AFG2A: variants seen among roughly 807,000 people sequenced by gnomAD.
AFG2A encodes the protein AAA ATPase AFG2A, also known as ATPase family gene 2 protein homolog A.
the AFG2A span, among the ~76,000 whole-genome samples, chr4:123,051,726 C>G: frequency 7.9e-6 from 1 of 125,926 alleles, no homozygotes; most frequent in Admixed American, 9.2e-5. Context: ...CACTATTCTT[C>G]GTTAAGTTTT....
the AFG2A span, among the ~76,000 whole-genome samples, chr4:123,018,231 A>C: frequency 5.3e-5 from 8 of 152,258 alleles, no homozygotes; most frequent in East Asian, 1.5e-3. Context: ...TGCACTTCTG[A>C]CTTTAATTCA....
At chr4:123,004,834 A>C in the AFG2A span, among the ~76,000 whole-genome samples, 2 of 152,202 alleles carry the variant, frequency 1.3e-5, no homozygotes, top group African/African-American at 4.8e-5. Flanking sequence ...CATTGAAATC[A>C]TCTGGGTCTG....
chr4:123,022,977 T>C, the AFG2A span, among the ~76,000 whole-genome samples: 3 of 147,612 alleles, frequency 2.0e-5, no homozygotes, highest in Non-Finnish European at 3.0e-5. Context: ...TAGATGGGAA[T>C]TGAACAATGA....
At chr4:123,272,729 G>A in the AFG2A span, among the ~76,000 whole-genome samples, 5 of 152,078 alleles carry the variant, frequency 3.3e-5, no homozygotes, top group East Asian at 1.9e-4. Context: ...AGCAGTAAGG[G>A]CAAAAACTAG....
chr4:122,993,480 T>A, the AFG2A span, among the ~76,000 whole-genome samples: 1 of 152,154 alleles, frequency 6.6e-6, no homozygotes, highest in African/African-American at 2.4e-5. Flanking sequence ...CTCAAATATT[T>A]AGGCTTTTGT....
At chr4:122,935,623 T>G in the AFG2A span, 1 of 1,416,488 alleles carries the variant, frequency 7.1e-7, no homozygotes, top group Non-Finnish European at 9.3e-7. Context: ...AAGGTAAAGT[T>G]AAATTTTATA....
At chr4:123,298,397 C>T in the AFG2A span, among the ~76,000 whole-genome samples, 7 of 152,296 alleles carry the variant, frequency 4.6e-5, no homozygotes, top group South Asian at 2.1e-4. Context: ...CCAGCTGGTC[C>T]GCTGAGGCCC....
chr4:123,041,660 C>T, the AFG2A span, among the ~76,000 whole-genome samples: 3 of 151,880 alleles, frequency 2.0e-5, no homozygotes, highest in Non-Finnish European at 4.4e-5. Flanking sequence ...GTCTCCCAAG[C>T]TTGGATTACA....
At chr4:123,158,989 A>G in the AFG2A span, among the ~76,000 whole-genome samples, 1 of 152,234 alleles carries the variant, frequency 6.6e-6, no homozygotes, top group Non-Finnish European at 1.5e-5. Flanking sequence ...GACTGCAGAA[A>G]TTATGTCTAA....
chr4:122,946,318 C>T, the AFG2A span, among the ~76,000 whole-genome samples: 1 of 152,234 alleles, frequency 6.6e-6, no homozygotes, highest in Non-Finnish European at 1.5e-5. Context: ...GTCTCTTTCT[C>T]TGCCACTGGG....
At chr4:123,107,861 A>G in the AFG2A span, among the ~76,000 whole-genome samples, 1 of 152,200 alleles carries the variant, frequency 6.6e-6, no homozygotes, top group African/African-American at 2.4e-5. Context: ...TTGTGACAGC[A>G]CCCAGGCTTG....
chr4:123,148,077 GTGTTAAATCAC>G, the AFG2A span, among the ~76,000 whole-genome samples: 1 of 152,162 alleles, frequency 6.6e-6, no homozygotes, highest in Non-Finnish European at 1.5e-5. Context: ...ATAGATGGTA[GTGTTAAATCAC>G]TGTATATTTA....
chr4:123,184,532 C>CTTTTTTTTTT, the AFG2A span, among the ~76,000 whole-genome samples: 176 of 89,270 alleles, frequency 2.0e-3, 7 homozygotes, highest in African/African-American at 2.6e-3. Context: ...ATGATCATTT[C>CTTTTTTTTTT]TTTTTTTTTT....
chr4:123,283,339 G>A, the AFG2A span, among the ~76,000 whole-genome samples: 6 of 141,346 alleles, frequency 4.2e-5, no homozygotes, highest in African/African-American at 1.5e-4. Flanking sequence ...TAGTATAAGT[G>A]ACCCGGTAGG....
At chr4:123,131,155 A>G in the AFG2A span, among the ~76,000 whole-genome samples, 1 of 152,108 alleles carries the variant, frequency 6.6e-6, no homozygotes, top group African/African-American at 2.4e-5. Context: ...TATCGAGCAT[A>G]TTACAAACCT....
chr4:122,968,488 G>A, the AFG2A span, among the ~76,000 whole-genome samples: 1 of 152,108 alleles, frequency 6.6e-6, no homozygotes, highest in South Asian at 2.1e-4. Context: ...TCCTGGCTTC[G>A]AATGCCATAG....
At chr4:123,314,251 A>G in the AFG2A span, 26 of 405,688 alleles carry the variant, frequency 6.4e-5, no homozygotes, top group Non-Finnish European at 1.0e-4. Flanking sequence ...ATCTCTGAGC[A>G]TAAGTTTCAA....
chr4:122,993,233 T>A, the AFG2A span, among the ~76,000 whole-genome samples: 1 of 152,056 alleles, frequency 6.6e-6, no homozygotes, highest in Non-Finnish European at 1.5e-5. Flanking sequence ...CCTCAGGTGA[T>A]CTACTCTCTT....
At chr4:122,999,014 T>C in the AFG2A span, among the ~76,000 whole-genome samples, 1 of 152,078 alleles carries the variant, frequency 6.6e-6, no homozygotes, top group Non-Finnish European at 1.5e-5. Flanking sequence ...CTAACTGGTG[T>C]GAGATGGTAT....
Sources: gnomAD v4.1 joint callset for allele counts (sites outside exome capture counted in the v4.1 genomes callset) on GRCh38, gnomAD v4.1.1 for gene constraint, MANE v1.5 for transcripts, NCBI Gene and HGNC (gene_info 2026-07-23, HGNC 2026-07-21) for gene names.